Variants in DNAAF1 observed in about 807,000 individuals in gnomAD.
DNAAF1 encodes dynein axonemal assembly factor 1, also known as dynein assembly factor 1, axonemal.
A neutral mutation model predicts 71.1 loss-of-function variants in DNAAF1; 65 were observed. That is an observed-to-expected ratio of 0.91 (90% CI 0.75 to 1.12). DNAAF1 has a LOEUF of 1.12. DNAAF1 is among the 50% of genes most tolerant of loss of function. The pLI is 0.00. For missense variants in DNAAF1, 1,178 were observed against 899.8 expected (o/e 1.31, Z -3.96); for synonymous variants, 414 against 354.6 (o/e 1.17, Z -1.88).
At chr16:84,155,162 C>A (rs536027868) in intron 4 of DNAAF1, among the ~76,000 whole-genome samples, 7 of 152,304 alleles carry the variant, frequency 4.6e-5, no homozygotes, top group Admixed American at 4.6e-4. Context: ...CCCGCCTTGG[C>A]CTCCCAAAGT....
At chr16:84,161,309 A>C (rs1312768555) in intron 6 of DNAAF1, among the ~76,000 whole-genome samples, 1 of 152,200 alleles carries the variant, frequency 6.6e-6, no homozygotes, top group Non-Finnish European at 1.5e-5. Context: ...TGAGGAAAGT[A>C]ACATGGATGT....
intron 8 of DNAAF1, among the ~76,000 whole-genome samples, chr16:84,171,788 G>A (rs953073792): frequency 1.2e-4 from 19 of 152,082 alleles, no homozygotes; most frequent in Admixed American, 3.3e-4. Flanking sequence ...AAGGGCAGCC[G>A]TTCCGTTCTT....
intron 1 of DNAAF1, among the ~76,000 whole-genome samples, chr16:84,148,773 A>G (rs567748931): frequency 6.6e-6 from 1 of 150,470 alleles, no homozygotes; most frequent in East Asian, 2.0e-4. Context: ...TAATTTTTGT[A>G]GAGATGGGGT....
At chr16:84,173,000 A>C in intron 9 of DNAAF1, 1 of 995,538 alleles carries the variant, frequency 1.0e-6, no homozygotes, top group Non-Finnish European at 1.2e-6. Flanking sequence ...ACATTGTCTC[A>C]CAACCCCCCA....
intron 7 of DNAAF1, among the ~76,000 whole-genome samples, chr16:84,166,404 T>C (rs1437183870): frequency 7.1e-6 from 1 of 141,006 alleles, no homozygotes; most frequent in Non-Finnish European, 1.5e-5. Flanking sequence ...TGGGACAGGA[T>C]CTTACTCTGT....
chr16:84,148,585 T>TCTCC (rs2087024299), intron 1 of DNAAF1, among the ~76,000 whole-genome samples: 1 of 119,388 alleles, frequency 8.4e-6, no homozygotes, highest in Non-Finnish European at 1.7e-5. Context: ...ATTACTGTTC[T>TCTCC]CTCTCTCTCT....
intron 9 of DNAAF1, chr16:84,174,079 AAC>A (rs1439141871): frequency 1.5e-5 from 8 of 519,736 alleles, no homozygotes; most frequent in Non-Finnish European, 2.0e-5. Flanking sequence ...GAAAATGAGA[AAC>A]AGAGAGGTTA....
intron 1 of DNAAF1, among the ~76,000 whole-genome samples, chr16:84,147,074 C>G (rs1023270418): frequency 1.3e-4 from 20 of 152,198 alleles, no homozygotes; most frequent in African/African-American, 4.8e-4. Flanking sequence ...AGAGCTTAAC[C>G]TCTCGGAGCC....
At chr16:84,148,860 G>T (rs2087050970) in intron 1 of DNAAF1, 147 bp from the exon 2 acceptor site, 3 of 895,616 alleles carry the variant, frequency 3.3e-6, no homozygotes, top group Non-Finnish European at 5.3e-6. Flanking sequence ...AAAGAGCTGG[G>T]ATTACAGGCC....
At chr16:84,150,974 A>G (rs576532870) in intron 3 of DNAAF1, among the ~76,000 whole-genome samples, 1 of 152,206 alleles carries the variant, frequency 6.6e-6, no homozygotes, top group African/African-American at 2.4e-5. Flanking sequence ...TGGGAGGTAT[A>G]TGTTGGGAAG....
intron 4 of DNAAF1, 58 bp from the exon 5 acceptor site, chr16:84,155,525 T>G (rs553990743): frequency 6.3e-7 from 1 of 1,588,610 alleles, no homozygotes; most frequent in African/African-American, 1.3e-5. Flanking sequence ...CCACTGTGCC[T>G]GGCCCAAGAA....
chr16:84,177,798 C>G lies in DNAAF1; in HGVS notation c.2135C>G (p.Pro712Arg). 2 of 1,614,094 alleles carry G rather than the reference C, an allele frequency of 1.2e-6. No homozygotes were observed. The highest frequency in any genetic ancestry group is 1.7e-6 in the Non-Finnish European group (2 of 1,179,980). Reference protein sequence around the residue: ...VGVAQPSQALPTWDLTAFPAP... With the variant: ...VGVAQPSQALRTWDLTAFPAP... Reference sequence around the variant, plus strand: ...GTTGCCCAGCCCAGCCAAGCTCTGCCCACGTGGGACCTCACTGCATTCCCA... The same window carrying G: ...GTTGCCCAGCCCAGCCAAGCTCTGCGCACGTGGGACCTCACTGCATTCCCA... Residue 712 changes from proline (P) to arginine (R), a missense_variant, in exon 12 of 12, where the codon CCC becomes CGC. Transcript: ENST00000378553.
At chr16:84,173,193 G>T (rs1334707796) in intron 9 of DNAAF1, 1 of 985,360 alleles carries the variant, frequency 1.0e-6, no homozygotes, top group Admixed American at 6.1e-5. Context: ...GCCAGGCATG[G>T]TGGCTTACGC....
chr16:84,150,013 A>G (rs1324230250), intron 2 of DNAAF1, among the ~76,000 whole-genome samples: 1 of 151,974 alleles, frequency 6.6e-6, no homozygotes, highest in African/African-American at 2.4e-5. Context: ...CAATAGAGTG[A>G]GACTCTGTCT....
chr16:84,165,728 C>T (rs750100693), intron 6 of DNAAF1, 55 bp from the exon 7 acceptor site: 248 of 1,520,816 alleles, frequency 1.6e-4, no homozygotes, highest in Non-Finnish European at 2.1e-4. Flanking sequence ...GTTGATCAGA[C>T]AGTGTATGTT....
chr16:84,160,936 C>CAAA (rs994477404), intron 6 of DNAAF1, among the ~76,000 whole-genome samples: 1 of 67,500 alleles, frequency 1.5e-5, no homozygotes, highest in Non-Finnish European at 3.0e-5. Context: ...GACTCCGTCT[C>CAAA]AAAAAAAAAA....
Position 84,154,734 on chromosome 16 carries a change from A to G in DNAAF1, c.510A>G (p.Glu170=). The change falls in exon 4 of 12, where the codon GAA becomes GAG. Residue 170 remains glutamate, a synonymous_variant. Transcript: ENST00000378553. The part of the protein sequence containing the change: ...MNLLRKIENL[E]PLQKLDALNL... ...TGCTCCGTAAAATTGAGAACCTGGA[A>G]CCTCTGCAGAAACTGGATGCTCTTA... is the stretch of plus-strand genomic sequence containing the variant. 1 of 1,614,026 alleles carries G rather than the reference A, an allele frequency of 6.2e-7. No homozygotes were observed. Among genetic ancestry groups the G allele is most frequent in the Non-Finnish European group, 8.5e-7 (1 of 1,179,992 alleles).
rs58906103 is a variant in DNAAF1 at position 84,166,037 on chromosome 16, AT to A, written c.1030+115del. The A allele has an allele frequency of 0.05, 52,950 of 1,058,922 alleles. 27 individuals are homozygous for A. Among genetic ancestry groups the A allele is most frequent in the East Asian group, 0.062 (1,804 of 28,920 alleles). 65.6% of individuals were successfully genotyped at this position (1,058,922 alleles called of 1,614,324 possible). On this transcript the variant is annotated intron_variant, in intron 7 of 11. Coordinates refer to ENST00000378553, the MANE Select transcript of DNAAF1 (RefSeq NM_178452.6). ...TCAAACCCAGTCTTTAATCTTGGGA[AT>A]TTTTTTTTTTTTTTTTTTTTTTTTT...
intron 3 of DNAAF1, among the ~76,000 whole-genome samples, chr16:84,153,460 A>G (rs1386547884): frequency 6.6e-6 from 1 of 152,206 alleles, no homozygotes; most frequent in Non-Finnish European, 1.5e-5. Context: ...TAAAAAGTCT[A>G]TCTATACAAT....
Sources: allele counts gnomAD v4.1 joint callset (sites outside exome capture counted in the v4.1 genomes callset), GRCh38; gene constraint gnomAD v4.1.1; transcripts MANE v1.5; gene names NCBI Gene and HGNC (gene_info 2026-07-23, HGNC 2026-07-21).